Variants in CA12 observed in about 807,000 individuals in gnomAD.
CA12 encodes the protein carbonic anhydrase 12.
Under a neutral mutation model 46.8 loss-of-function variants are expected in CA12, and 36 were observed. The observed-to-expected ratio is 0.77, with a 90% CI of 0.59 to 1.02. CA12 has a LOEUF of 1.02. Among genes scored for constraint, CA12 ranks in the 50% least tolerant of loss-of-function variants. CA12 has a pLI of 0.00. For synonymous variants in CA12, 202 were observed against 187.0 expected (o/e 1.08, Z -0.65); for missense variants, 436 against 451.4 (o/e 0.97, Z 0.31).
chr15:63,326,463 T>G, intron 10 of CA12, 106 bp from the exon 11 acceptor site: 2 of 851,790 alleles, frequency 2.3e-6, no homozygotes, highest in Non-Finnish European at 4.0e-6. Context: ...GTTGGATTCC[T>G]CTCTTTGGGA....
At chr15:63,342,789 T>C (rs1039349983) in intron 4 of CA12, among the ~76,000 whole-genome samples, 3 of 152,222 alleles carry the variant, frequency 2.0e-5, no homozygotes, top group Non-Finnish European at 4.4e-5. Flanking sequence ...CCATGCATTT[T>C]TGCTGGTTCT....
intron 2 of CA12, chr15:63,375,344 C>T: frequency 3.3e-6 from 1 of 302,004 alleles, no homozygotes. Flanking sequence ...AGGACCCTTG[C>T]AGTCCGGAGG....
At chr15:63,363,733 C>T (rs543219641) in intron 2 of CA12, among the ~76,000 whole-genome samples, 1 of 152,360 alleles carries the variant, frequency 6.6e-6, no homozygotes, top group South Asian at 2.1e-4. Context: ...AGTTATGTGG[C>T]AGGAAACAGT....
chr15:63,371,876 G>A (rs728903), intron 2 of CA12, among the ~76,000 whole-genome samples: 110,002 of 151,792 alleles, frequency 0.72, 41,424 homozygotes, highest in Non-Finnish European at 0.82. Context: ...GTTTTGTTTT[G>A]GTTTGGTTTG....
chr15:63,339,878 G>T lies in CA12; in HGVS notation c.747+410C>A. 6.4e-6 allele frequency: 2 copies of T among 310,138 alleles called. No homozygotes were observed. Among genetic ancestry groups the T allele is most frequent in the Non-Finnish European group, 1.2e-5 (2 of 160,366 alleles). The allele number at this position is 310,138 out of a possible 1,614,324, so 19.2% of individuals were successfully genotyped here. A position where few individuals can be genotyped will look rare whatever the true frequency, so the allele number is the denominator to read the frequency against. ...GGATTTTGTTCCCCAGTTTGCACTAGACCTTGAGCTTCTTGGGGGCAGGGA... is the reference window on the plus strand; with the variant it reads ...GGATTTTGTTCCCCAGTTTGCACTATACCTTGAGCTTCTTGGGGGCAGGGA... On this transcript the variant is annotated intron_variant, in intron 7 of 10. Coordinates refer to ENST00000178638, the MANE Select transcript of CA12 (RefSeq NM_001218.5). This position sits in a 1 kb window ranked among gnomAD's most constrained non-coding sequence, Gnocchi z 4.3.
chr15:63,359,511 GTACACACACACACACA>G (rs1201307089), intron 2 of CA12, among the ~76,000 whole-genome samples: 5 of 151,516 alleles, frequency 3.3e-5, no homozygotes, highest in East Asian at 1.9e-4. Context: ...CCATATATAT[GTACACACACACACACA>G]TACACACACA....
rs566602561 is a variant in CA12, at chr15:63,364,118, C to T, written c.106+11540G>A. On this transcript the variant is annotated intron_variant, in intron 2 of 10. Transcript: ENST00000178638. ...AGGAGAATCGCTTGAACCCTGGAGG[C>T]GGAGGTTGCAGTGAGCAGAGATCGT... Among the ~76,000 whole-genome samples, 22 of 151,638 alleles carry T rather than the reference C, an allele frequency of 1.5e-4. No individual in the cohort carries two copies. The South Asian group carries it at 3.3e-3, about 23-fold the overall frequency.
At chr15:63,335,938 C>G (rs1314118005) in intron 8 of CA12, among the ~76,000 whole-genome samples, 1 of 152,184 alleles carries the variant, frequency 6.6e-6, no homozygotes, top group Non-Finnish European at 1.5e-5. Flanking sequence ...CCTCATTGCT[C>G]CTTGGGAAGC....
Position 63,374,004 on chromosome 15 carries a change from G to C in CA12, c.106+1654C>G, listed in dbSNP as rs891935898. On this transcript the variant is annotated intron_variant, in intron 2 of 10. Coordinates refer to ENST00000178638, the MANE Select transcript of CA12 (RefSeq NM_001218.5). This position sits in a 1 kb window ranked among gnomAD's most constrained non-coding sequence, Gnocchi z 4.4. ...ACTGTAAACTGGATGTGAAGACACG[G>C]AACGGGGTTTCTCCACAGGCCAAAC... Among the ~76,000 whole-genome samples the C allele has an allele frequency of 6.6e-6, 1 of 152,104 alleles. No individual in the cohort carries two copies. Among genetic ancestry groups the C allele is most frequent in the Non-Finnish European group, 1.5e-5 (1 of 68,022 alleles).
At position 63,339,086 on chromosome 15, in the gene CA12, A is replaced by G. The variant is rs2039042550; in HGVS notation, c.748-141T>C. 3 of 1,064,936 alleles carry G rather than the reference A, an allele frequency of 2.8e-6. No homozygotes were observed. Among genetic ancestry groups the G allele is most frequent in the Middle Eastern group, 2.8e-4 (1 of 3,538 alleles). The allele number at this position is 1,064,936 out of a possible 1,614,324, so 66.0% of individuals were successfully genotyped here. A position where few individuals can be genotyped will look rare whatever the true frequency, so the allele number is the denominator to read the frequency against. On this transcript the variant is annotated intron_variant, in intron 7 of 10. Coordinates refer to ENST00000178638, the MANE Select transcript of CA12 (RefSeq NM_001218.5). This position sits in a 1 kb window ranked among gnomAD's most constrained non-coding sequence, Gnocchi z 4.3. ...TGGGGCCGGGTGGGAGATATTAGAA[A>G]GCAGAGGGAAAGCCACAGAACTGCT...
At chr15:63,351,295 G>A (rs887486431) in intron 2 of CA12, among the ~76,000 whole-genome samples, 6 of 152,184 alleles carry the variant, frequency 3.9e-5, no homozygotes, top group African/African-American at 1.4e-4. Flanking sequence ...ATGTCACACT[G>A]CAAAGGCTTC....
intron 2 of CA12, among the ~76,000 whole-genome samples, chr15:63,367,061 A>AC (rs887029026): frequency 0.12 from 13 of 108 alleles, no homozygotes; most frequent in African/African-American, 0.23. Flanking sequence ...AGCTGAGACT[A>AC]CCGCACATGC....
In CA12 at chr15:63,326,503, G is replaced by A. The variant is rs188457702; in HGVS notation, c.993-146C>T. 3.3e-5 allele frequency: 23 copies of A among 702,822 alleles called. No individual in the cohort carries two copies. The Admixed American group carries it at 3.7e-4, about 11-fold the overall frequency. The allele number at this position is 702,822 out of a possible 1,614,324, so 43.5% of individuals were successfully genotyped here. ...TCCCCAATTCTGTTGGTCTTGGGAG[G>A]GAGTGTCACCAAATAAAGCTTTAAC... is the stretch of plus-strand genomic sequence containing the variant. On this transcript the variant is annotated intron_variant, in intron 10 of 10. Coordinates refer to ENST00000178638, the MANE Select transcript of CA12 (RefSeq NM_001218.5).
At chr15:63,361,774 A>G (rs1407558891) in intron 2 of CA12, among the ~76,000 whole-genome samples, 1 of 152,134 alleles carries the variant, frequency 6.6e-6, no homozygotes, top group Non-Finnish European at 1.5e-5. Flanking sequence ...GGGACACAGC[A>G]TGATGGCAGC....
At position 63,322,232 on chromosome 15, in the gene CA12, C is replaced by T. The variant is rs1001505245; in HGVS notation, c.*4053G>A. The T allele has an allele frequency of 2.8e-4, 43 of 152,096 alleles. No homozygotes were observed. 9.4% of individuals were successfully genotyped at this position (152,096 alleles called of 1,614,324 possible). A position where few individuals can be genotyped will look rare whatever the true frequency, so the allele number is the denominator to read the frequency against. ...AATCTAAATAACGACCAAATATCTA[C>T]AAGGAAAATCTAGCATCTGAATCGA... On this transcript the variant is annotated 3_prime_UTR_variant, in exon 11 of 11. Transcript: ENST00000178638. This position sits in a 1 kb window ranked among gnomAD's most constrained non-coding sequence, Gnocchi z 4.1.
intron 1 of CA12, 139 bp from the exon 2 acceptor site, chr15:63,375,817 T>TC: frequency 2.9e-6 from 2 of 686,678 alleles, no homozygotes; most frequent in East Asian, 5.6e-5. Context: ...TTTTCTTTTT[T>TC]TTTTTTTTCA....
intron 2 of CA12, among the ~76,000 whole-genome samples, chr15:63,364,343 A>AAAAAC (rs1399136707): frequency 6.0e-5 from 9 of 149,474 alleles, no homozygotes; most frequent in Non-Finnish European, 1.2e-4. Flanking sequence ...AAAAAAAAAA[A>AAAAAC]AAAAAAAAAA....
chr15:63,358,373 CACACAGGGT>C (rs1157759401), intron 2 of CA12, among the ~76,000 whole-genome samples: 18 of 152,328 alleles, frequency 1.2e-4, no homozygotes, highest in Middle Eastern at 3.4e-3. Context: ...AGCCATATTC[CACACAGGGT>C]GATGTAGCAA....
intron 2 of CA12, among the ~76,000 whole-genome samples, chr15:63,350,508 C>T (rs571634649): frequency 1.3e-5 from 2 of 152,300 alleles, no homozygotes; most frequent in African/African-American, 4.8e-5. Context: ...CTCCCATGAT[C>T]GTGATACAGG....
Sources: allele counts gnomAD v4.1 joint callset (sites outside exome capture counted in the v4.1 genomes callset), GRCh38; gene constraint gnomAD v4.1.1; non-coding constraint Gnocchi (gnomAD v3.1); transcripts MANE v1.5; gene names NCBI Gene and HGNC (gene_info 2026-07-23, HGNC 2026-07-21).